The following DDB2 variants were observed in gnomAD, a reference collection of about 807,000 sequenced individuals.
DDB2 encodes the protein damage specific DNA binding protein 2.
A neutral mutation model predicts 50.5 loss-of-function variants in DDB2; 27 were observed. That is an observed-to-expected ratio of 0.53 (90% CI 0.39 to 0.74). The LOEUF is 0.74. DDB2 is among the 30% of genes least tolerant of loss of function. The probability of loss-of-function intolerance (pLI) is 0.00; values close to 1 mark genes in which losing one functional copy is unlikely to be tolerated. For missense variants in DDB2, 424 were observed against 545.6 expected (o/e 0.78, Z 2.22); for synonymous variants, 176 against 205.5 (o/e 0.86, Z 1.23).
In DDB2 at chr11:47,239,006, C is replaced by A; in HGVS notation, c.*157C>A. On this transcript the variant is annotated 3_prime_UTR_variant, in exon 10 of 10. Transcript: ENST00000256996. ...GACCTGGGGCACTGTGGGACTGGGA[C>A]ACTTTTATGTTAATGCTCTGGACTT... 5.7e-6 allele frequency: 4 copies of A among 707,082 alleles called. No homozygotes were observed. The highest frequency in any genetic ancestry group is 1.7e-5 in the South Asian group (1 of 60,048). 43.8% of individuals were successfully genotyped at this position (707,082 alleles called of 1,614,324 possible).
chr11:47,235,003 A>G lies in DDB2; in HGVS notation c.880+69A>G, dbSNP rs1953704226. The G allele has an allele frequency of 3.2e-6, 5 of 1,562,154 alleles. No homozygotes were observed. The South Asian group carries it at 5.6e-5, about 18-fold the overall frequency. On this transcript the variant is annotated intron_variant, in intron 6 of 9. Transcript: ENST00000256996. ...CTGACCACTGCTGGGGTTTTCCCTC[A>G]GTGTGGAAGCCACTACGTCAAACCT... is the stretch of plus-strand genomic sequence containing the variant.
At chr11:47,217,234 G>A in intron 3 of DDB2, 185 bp downstream of exon 3, 1 of 524,566 alleles carries the variant, frequency 1.9e-6, no homozygotes, top group Non-Finnish European at 3.5e-6. Flanking sequence ...AAATTAGCTG[G>A]GTGTGGTGGC....
At chr11:47,234,343 G>A (rs922288689) in intron 4 of DDB2, among the ~76,000 whole-genome samples, 3 of 152,052 alleles carry the variant, frequency 2.0e-5, no homozygotes, top group Non-Finnish European at 4.4e-5. Flanking sequence ...GGGGATCCTG[G>A]GCCCAGCCAT....
At chr11:47,216,212 G>GGCC (rs767450571) in intron 1 of DDB2, 124 bp from the exon 2 acceptor site, 1 of 1,439,778 alleles carries the variant, frequency 6.9e-7, no homozygotes, top group Admixed American at 1.7e-5. Context: ...GACATGGAAA[G>GGCC]GCCGCAGGAG....
At chr11:47,214,939 G>A, upstream of DDB2, 1 of 706,944 alleles carries the variant, frequency 1.4e-6, no homozygotes, top group Non-Finnish European at 2.3e-6. Flanking sequence ...GAAGGGGCGG[G>A]GTCTCCGAGA....
At chr11:47,219,030 C>T (rs1406715351) in intron 3 of DDB2, among the ~76,000 whole-genome samples, 4 of 152,078 alleles carry the variant, frequency 2.6e-5, no homozygotes, top group Admixed American at 6.5e-5. Flanking sequence ...CTGCAAGCTC[C>T]GCCTCCCGGA....
intron 7 of DDB2, chr11:47,236,219 C>T (rs1307496181): frequency 6.6e-6 from 1 of 152,194 alleles, no homozygotes; most frequent in Non-Finnish European, 1.5e-5. Flanking sequence ...AGGCATGAGC[C>T]ACTGCGCCTG....
At chr11:47,214,944 C>T (rs1402416699), upstream of DDB2, 3 of 759,030 alleles carry the variant, frequency 4.0e-6, no homozygotes, top group East Asian at 2.8e-5. Flanking sequence ...GGCGGGGTCT[C>T]CGAGACGGGT....
intron 8 of DDB2, 43 bp from the exon 9 acceptor site, chr11:47,238,092 CTAA>C (rs1953765773): frequency 6.2e-7 from 1 of 1,609,476 alleles, no homozygotes; most frequent in Admixed American, 1.7e-5. Flanking sequence ...GGTGTCTCTG[CTAA>C]TACCTTCACC....
At chr11:47,216,206 T>G in intron 1 of DDB2, 130 bp from the exon 2 acceptor site, 1 of 1,401,714 alleles carries the variant, frequency 7.1e-7, no homozygotes, top group Non-Finnish European at 1.0e-6. Flanking sequence ...CACACAGACA[T>G]GGAAAGGCCG....
intron 7 of DDB2, chr11:47,235,748 A>AT (rs973450109): frequency 3.4e-6 from 1 of 293,130 alleles, no homozygotes; most frequent in Non-Finnish European, 6.4e-6. Context: ...ACAAACCTTC[A>AT]TTTTTTATTT....
intron 3 of DDB2, among the ~76,000 whole-genome samples, chr11:47,221,954 C>G (rs1385128124): frequency 6.6e-6 from 1 of 152,130 alleles, no homozygotes; most frequent in Non-Finnish European, 1.5e-5. Context: ...TACAATTTGG[C>G]TATTCTCAGC....
At chr11:47,237,425 C>T (rs1482468605) in intron 7 of DDB2, among the ~76,000 whole-genome samples, 2 of 150,954 alleles carry the variant, frequency 1.3e-5, no homozygotes, top group African/African-American at 2.4e-5. Flanking sequence ...TTGTTACTGG[C>T]AAATACTACT....
chr11:47,220,036 G>A (rs1953460099), intron 3 of DDB2, among the ~76,000 whole-genome samples: 3 of 152,114 alleles, frequency 2.0e-5, no homozygotes, highest in South Asian at 4.1e-4. Context: ...TGATCCGCCC[G>A]CCTCGACCTC....
Position 47,237,962 on chromosome 11 carries a change from G to A in DDB2, c.1149G>A (p.Met383Ile), listed in dbSNP as rs1953761940. Residue 383 changes from methionine (M) to isoleucine (I), a missense_variant, in exon 8 of 10, where the codon ATG becomes ATA. Physicochemically the swap from Met to Ile is conservative, Grantham distance 10 (BLOSUM62 1). Coordinates refer to ENST00000256996, the MANE Select transcript of DDB2 (RefSeq NM_000107.3). ...DVFDGNSGKM[M>I]CQLYDPESSG... ...TCGATGGAAACTCAGGGAAGATGAT[G>A]TGTCAGCTCTATGACCCAGAATCTT... is the stretch of plus-strand genomic sequence containing the variant. 1.2e-6 allele frequency: 2 copies of A among 1,614,204 alleles called. No individual in the cohort carries two copies. Among genetic ancestry groups the A allele is most frequent in the Non-Finnish European group, 1.7e-6 (2 of 1,180,036 alleles).
intron 7 of DDB2, among the ~76,000 whole-genome samples, chr11:47,237,302 C>T (rs3824866): frequency 0.26 from 39,255 of 152,072 alleles, 6,321 homozygotes; most frequent in East Asian, 0.65. Flanking sequence ...TGAAGGTGCC[C>T]TAAGGGCCAG....
At chr11:47,237,809 C>T (rs1953756862) in intron 7 of DDB2, 28 bp from the exon 8 acceptor site, 1 of 1,613,008 alleles carries the variant, frequency 6.2e-7, no homozygotes, top group Non-Finnish European at 8.5e-7. Flanking sequence ...CTGTGTTTAC[C>T]CTCATGGCCG....
At chr11:47,225,403 C>T (rs1309562289) in intron 3 of DDB2, among the ~76,000 whole-genome samples, 1 of 151,378 alleles carries the variant, frequency 6.6e-6, no homozygotes, top group Non-Finnish European at 1.5e-5. Context: ...CCATCCTGGC[C>T]AACATGGTGA....
At chr11:47,226,733 C>T (rs889947800) in intron 3 of DDB2, among the ~76,000 whole-genome samples, 1 of 90,180 alleles carries the variant, frequency 1.1e-5, no homozygotes, top group African/African-American at 4.0e-5. Context: ...AAGTCCTTTG[C>T]CTTTTTTTTT....
Sources: gnomAD v4.1 joint callset for allele counts (sites outside exome capture counted in the v4.1 genomes callset) on GRCh38, gnomAD v4.1.1 for gene constraint, MANE v1.5 for transcripts, NCBI Gene and HGNC (gene_info 2026-07-23, HGNC 2026-07-21) for gene names.